NFIB: variants seen among roughly 807,000 people sequenced by gnomAD.
The protein encoded by NFIB is nuclear factor 1 B-type.
In NFIB, 11 loss-of-function variants were observed where a neutral mutation model predicts 61.5. That is an observed-to-expected ratio of 0.18 (90% confidence interval 0.11 to 0.30). The LOEUF is 0.30. NFIB is among the 10% of genes least tolerant of loss of function. NFIB has a pLI of 1.00. For missense variants in NFIB, 471 were observed against 608.9 expected (o/e 0.77, Z 2.38); for synonymous variants, 260 against 216.5 (o/e 1.20, Z -1.76).
rs544153552 is a variant in NFIB at position 14,323,365 on chromosome 9, A to G, written c.109-15845T>C. Among the ~76,000 whole-genome samples, 80 of 152,298 alleles carry G rather than the reference A, an allele frequency of 5.3e-4. 1 individual carries two copies. The South Asian group carries it at 0.016, about 31-fold the overall frequency. On this transcript the variant is annotated intron_variant, in intron 1 of 8. Transcript: ENST00000380934. ...CAGCATTTTGGAAACAAATATATGT[A>G]GGGGGATTTTTTTTTTCTTAGTTTT...
chr9:14,241,679 A>G (rs1349721769), intron 2 of NFIB, among the ~76,000 whole-genome samples: 1 of 152,152 alleles, frequency 6.6e-6, no homozygotes, highest in African/African-American at 2.4e-5. Context: ...AGGGCCCACA[A>G]CCATATGCTT....
intron 1 of NFIB, among the ~76,000 whole-genome samples, chr9:14,394,216 T>C (rs2133039608): frequency 6.6e-6 from 1 of 152,288 alleles, no homozygotes; most frequent in African/African-American, 2.4e-5. Flanking sequence ...AAATTCAACA[T>C]AACAAGTGCT....
chr9:14,363,270 T>C (rs2061261358), intron 1 of NFIB, among the ~76,000 whole-genome samples: 2 of 152,166 alleles, frequency 1.3e-5, no homozygotes, highest in Admixed American at 1.3e-4. Context: ...GAGGCCCTGG[T>C]TGTCAGTTGT....
chr9:14,175,956 G>A (rs1214526024), intron 3 of NFIB, among the ~76,000 whole-genome samples: 1 of 152,118 alleles, frequency 6.6e-6, no homozygotes, highest in East Asian at 1.9e-4. Context: ...GTTTTCCTTG[G>A]ATTTTACCCA....
intron 2 of NFIB, among the ~76,000 whole-genome samples, chr9:14,234,814 T>TTG (rs2053580049): frequency 6.6e-6 from 1 of 151,412 alleles, no homozygotes; most frequent in African/African-American, 2.4e-5. Context: ...GGTTTTTTTT[T>TTG]TGGGTATGTT....
At chr9:14,258,187 G>C (rs1045022953) in intron 2 of NFIB, among the ~76,000 whole-genome samples, 7 of 152,222 alleles carry the variant, frequency 4.6e-5, no homozygotes, top group African/African-American at 1.7e-4. Context: ...ATCTACCACA[G>C]TTTTATAACT....
chr9:14,380,458 A>G (rs1464068955), intron 1 of NFIB, among the ~76,000 whole-genome samples: 1 of 152,218 alleles, frequency 6.6e-6, no homozygotes, highest in African/African-American at 2.4e-5. Flanking sequence ...ACTAAAGGGA[A>G]ATGTCTTCAT....
chr9:14,097,587 C>T (rs891994578), intron 10 of NFIB, among the ~76,000 whole-genome samples: 1 of 152,096 alleles, frequency 6.6e-6, no homozygotes, highest in African/African-American at 2.4e-5. Context: ...CCTTATCATA[C>T]GTATGCCACA....
At chr9:14,285,092 C>T (rs1181104732) in intron 2 of NFIB, among the ~76,000 whole-genome samples, 1 of 152,110 alleles carries the variant, frequency 6.6e-6, no homozygotes, top group Non-Finnish European at 1.5e-5. Context: ...AAAGCAGTAA[C>T]TCATAAATTA....
At chr9:14,508,135 A>C in the NFIB span, among the ~76,000 whole-genome samples, 83 of 151,594 alleles carry the variant, frequency 5.5e-4, no homozygotes, top group Middle Eastern at 3.5e-3. Context: ...TATTCATATT[A>C]TATGTGTAAA....
chr9:14,191,595 T>C (rs2131557996), intron 2 of NFIB, among the ~76,000 whole-genome samples: 1 of 152,314 alleles, frequency 6.6e-6, no homozygotes, highest in Non-Finnish European at 1.5e-5. Flanking sequence ...TTCAAATCAA[T>C]TCCTTATGAT....
Position 14,084,366 on chromosome 9 carries a change from A to C in NFIB, c.*3943T>G, listed in dbSNP as rs2032506070. The stretch of plus-strand genomic sequence containing the variant: ...CTACAAGGTAGGCGGTTCATTAAGA[A>C]GACCTTTCGCTCTTCTCGCTACTTG... On this transcript the variant is annotated 3_prime_UTR_variant, in exon 11 of 11. Coordinates refer to ENST00000380953, the MANE Select transcript of NFIB (RefSeq NM_001190737.2). The C allele has an allele frequency of 4.5e-6, 1 of 221,506 alleles. No individual in the cohort carries two copies. Among genetic ancestry groups the C allele is most frequent in the Non-Finnish European group, 9.1e-6 (1 of 110,444 alleles). The allele number at this position is 221,506 out of a possible 1,614,324, so 13.7% of individuals were successfully genotyped here. A position where few individuals can be genotyped will look rare whatever the true frequency, so the allele number is the denominator to read the frequency against.
chr9:14,171,701 C>A (rs1372685734), intron 3 of NFIB, among the ~76,000 whole-genome samples: 1 of 151,866 alleles, frequency 6.6e-6, no homozygotes, highest in African/African-American at 2.4e-5. Context: ...AAAGCAAAAA[C>A]AAAGAAAACA....
chr9:14,475,026 A>T, the NFIB span, among the ~76,000 whole-genome samples: 1 of 152,186 alleles, frequency 6.6e-6, no homozygotes, highest in Non-Finnish European at 1.5e-5. Context: ...TCAAATGCTA[A>T]TGTCTTGCAG....
chr9:14,458,356 G>A, the NFIB span, among the ~76,000 whole-genome samples: 2 of 152,154 alleles, frequency 1.3e-5, no homozygotes, highest in African/African-American at 2.4e-5. Flanking sequence ...AGGTATTGAT[G>A]GGATGTATCT....
At chr9:14,225,945 G>C (rs953855292) in intron 2 of NFIB, among the ~76,000 whole-genome samples, 2 of 152,166 alleles carry the variant, frequency 1.3e-5, no homozygotes, top group Non-Finnish European at 2.9e-5. Flanking sequence ...AAAATTCATT[G>C]AAATATGATT....
intron 2 of NFIB, among the ~76,000 whole-genome samples, chr9:14,198,356 A>T (rs1045968188): frequency 2.0e-5 from 3 of 152,214 alleles, no homozygotes; most frequent in Non-Finnish European, 2.9e-5. Flanking sequence ...TTTAGAGTTT[A>T]AACCTGGAAC....
chr9:14,197,497 C>A (rs2048594525), intron 2 of NFIB, among the ~76,000 whole-genome samples: 1 of 152,218 alleles, frequency 6.6e-6, no homozygotes, highest in Non-Finnish European at 1.5e-5. Flanking sequence ...AAAGAAAATT[C>A]TATCAGTCCT....
chr9:14,338,401 A>AAAG (rs770294229), intron 1 of NFIB, among the ~76,000 whole-genome samples: 3,001 of 149,370 alleles, frequency 0.02, 37 homozygotes, highest in South Asian at 0.028. Context: ...CTCAAAAAAA[A>AAAG]AAAAGAAAAG....
Sources: gnomAD v4.1 joint callset for allele counts (sites outside exome capture counted in the v4.1 genomes callset) on GRCh38, gnomAD v4.1.1 for gene constraint, MANE v1.5 for transcripts, NCBI Gene and HGNC (gene_info 2026-07-23, HGNC 2026-07-21) for gene names.